The following RASGRP2 variants were observed in gnomAD, a reference collection of about 807,000 sequenced individuals.
The protein encoded by RASGRP2 is RAS guanyl-releasing protein 2.
Under a neutral mutation model 71.0 loss-of-function variants are expected in RASGRP2, and 44 were observed. The ratio of observed to expected loss-of-function variants is 0.62; its 90% CI spans 0.49 to 0.80. The LOEUF is 0.80. Among genes scored for constraint, RASGRP2 ranks in the 30% least tolerant of loss-of-function variants. RASGRP2 has a pLI of 0.00. For missense variants in RASGRP2, 663 were observed against 813.4 expected, an observed-to-expected ratio of 0.82 and a Z score of 2.25; for synonymous variants, 350 against 330.7, an observed-to-expected ratio of 1.06 and a Z score of -0.63.
chr11:64,735,785 G>A lies in RASGRP2; in HGVS notation c.1173+118C>T. The A allele has an allele frequency of 6.8e-7, 1 of 1,477,998 alleles. No individual in the cohort carries two copies. Among genetic ancestry groups the A allele is most frequent in the African/African-American group, 1.4e-5 (1 of 72,370 alleles). 91.6% of individuals were successfully genotyped at this position (1,477,998 alleles called of 1,614,324 possible). A position where few individuals can be genotyped will look rare whatever the true frequency, so the allele number is the denominator to read the frequency against. Reference sequence around the variant, plus strand: ...CCCAACACTACTGCCCTACCCCCAGGATGCCTCTGTCCTACAAGATGGATG... The same window carrying A: ...CCCAACACTACTGCCCTACCCCCAGAATGCCTCTGTCCTACAAGATGGATG... On this transcript the variant is annotated intron_variant, in intron 10 of 16. Coordinates refer to ENST00000394432, the MANE Select transcript of RASGRP2 (RefSeq NM_001098671.2). The surrounding 1 kb of genome is among the most constrained non-coding windows in gnomAD (Gnocchi z 4.2).
intron 8 of RASGRP2, among the ~76,000 whole-genome samples, chr11:64,738,269 T>TGA (rs2058012264): frequency 6.6e-6 from 1 of 152,002 alleles, no homozygotes; most frequent in African/African-American, 2.4e-5. Context: ...ACCTACATGG[T>TGA]GAAGCTATAA....
At chr11:64,727,249 C>A (rs780958060) in intron 16 of RASGRP2, 47 bp downstream of exon 16, 33 of 1,546,092 alleles carry the variant, frequency 2.1e-5, no homozygotes, top group Admixed American at 1.5e-4. Context: ...CCAGCTCCCC[C>A]CCAGCCCTCA....
In RASGRP2 at chr11:64,742,268, TAGAG is replaced by T; in HGVS notation, c.74-160_74-157del. Among the ~76,000 whole-genome samples, 1 of 150,998 alleles carries T rather than the reference TAGAG, an allele frequency of 6.6e-6. No individual in the cohort carries two copies. Among genetic ancestry groups the T allele is most frequent in the South Asian group, 2.1e-4 (1 of 4,758 alleles). On this transcript the variant is annotated intron_variant, in intron 2 of 16. Transcript: ENST00000394432. The surrounding 1 kb of genome is among the most constrained non-coding windows in gnomAD (Gnocchi z 4.7). ...AGGACTCCGAGAGCAGGAGGCAAAT[TAGAG>T]AGGAAAGGTGTGGTGGGCGAGAGAT...
At chr11:64,733,923 C>T (rs1465237469) in intron 12 of RASGRP2, among the ~76,000 whole-genome samples, 1 of 147,842 alleles carries the variant, frequency 6.8e-6, no homozygotes, top group Admixed American at 6.9e-5. Flanking sequence ...GTGATGACAG[C>T]TCACTGCAGT....
chr11:64,728,838 C>A (rs372519849), intron 15 of RASGRP2, 25 bp downstream of exon 15: 93 of 1,586,840 alleles, frequency 5.9e-5, no homozygotes, highest in Non-Finnish European at 7.8e-5. Flanking sequence ...CCTCCACAGG[C>A]CAGTACAGAA....
Position 64,741,089 on chromosome 11 carries a change from C to A in RASGRP2, c.240-10G>T. On this transcript the variant is annotated splice_polypyrimidine_tract_variant and intron_variant, in intron 4 of 16. Coordinates refer to ENST00000394432, the MANE Select transcript of RASGRP2 (RefSeq NM_001098671.2). ...GGCGGAGATCCAGTACCTGGAGGAG[C>A]GGGGAGTCACCCAAGATAGCCCTTC... 6.2e-7 allele frequency: 1 copy of A among 1,611,406 alleles called. No homozygotes were observed. Among genetic ancestry groups the A allele is most frequent in the Non-Finnish European group, 8.5e-7 (1 of 1,179,866 alleles).
chr11:64,736,879 G>C lies in RASGRP2; in HGVS notation c.969C>G (p.Asp323Glu), dbSNP rs773073274. ...ALQLALPDWL[D>E]PARTRLNGAK... ...CCCCGTTGAGCCGGGTCCGGGCTGG[G>C]TCCAGCCAGTCAGGCAGTGCCAGCT... Residue 323 changes from aspartate to glutamate, a missense_variant, in exon 9 of 17, where the codon GAC becomes GAG. Asp to Glu is a conservative substitution (Grantham distance 45). Coordinates refer to ENST00000394432, the MANE Select transcript of RASGRP2 (RefSeq NM_001098671.2). 6.2e-7 allele frequency: 1 copy of C among 1,613,718 alleles called. No homozygotes were observed. The highest frequency in any genetic ancestry group is 1.7e-5 in the Admixed American group (1 of 60,004).
chr11:64,733,826 G>A (rs1351411013), intron 12 of RASGRP2, among the ~76,000 whole-genome samples: 1 of 151,058 alleles, frequency 6.6e-6, no homozygotes, highest in Admixed American at 6.7e-5. Context: ...AAGGAAAGAG[G>A]GGACTTTCAT....
chr11:64,742,042 G>A lies in RASGRP2; in HGVS notation c.144C>T (p.Pro48=), dbSNP rs753789155. 6.2e-7 allele frequency: 1 copy of A among 1,611,874 alleles called. No homozygotes were observed. The highest frequency in any genetic ancestry group is 8.5e-7 in the Non-Finnish European group (1 of 1,179,014). The change falls in exon 3 of 17, where the codon CCC becomes CCT. Residue 48 remains proline, a synonymous_variant. Transcript: ENST00000394432. This position sits in a 1 kb window ranked among gnomAD's most constrained non-coding sequence, Gnocchi z 4.7. ...GCAGCTTGGCCGCCAGCTGAGAGGA[G>A]GGGATGTACCAGGGGTGCATCATGA... ...MFLMMHPWYI[P]SSQLAAKLLH...
chr11:64,730,119 G>A lies in RASGRP2; in HGVS notation c.1488C>T (p.Gly496=), dbSNP rs1289275648. ...TGCTCTCCTGGAAGTTGTGTACGAA[G>A]CCCATGCGCCCCCCCAACACAGAGC... The part of the protein sequence containing the change: ...RSSSVLGGRM[G]FVHNFQESNS... Residue 496 remains glycine, a synonymous_variant, in exon 13 of 17, where the codon GGC becomes GGT. Coordinates refer to ENST00000394432, the MANE Select transcript of RASGRP2 (RefSeq NM_001098671.2). 6.4e-7 allele frequency: 1 copy of A among 1,551,164 alleles called. No homozygotes were observed. Among genetic ancestry groups the A allele is most frequent in the Admixed American group, 2.0e-5 (1 of 51,024 alleles).
In RASGRP2 at chr11:64,728,892, C is replaced by G; in HGVS notation, c.1742G>C (p.Arg581Pro). 6.2e-7 allele frequency: 1 copy of G among 1,612,572 alleles called. No individual in the cohort carries two copies. The highest frequency in any genetic ancestry group is 1.7e-4 in the Middle Eastern group (1 of 6,022). ...AGGCCTGGAGCCTCGCCTGCCAGGG[C>G]GGGGCAGAGAGAAGCTGAAGGCGCG... ...HHRAFSFSLP[R>P]PGRRGSRPPE... The change falls in exon 15 of 17, where the codon CGC (arginine) becomes CCC (proline). Residue 581 changes from arginine to proline, a missense_variant. Transcript: ENST00000394432.
At chr11:64,744,340 G>C, upstream of RASGRP2, 1 of 984,716 alleles carries the variant, frequency 1.0e-6, no homozygotes, top group Non-Finnish European at 1.2e-6. Context: ...CACTCCCCCA[G>C]GCTGGAGGAC....
At chr11:64,727,875 C>T (rs1239472941) in intron 15 of RASGRP2, among the ~76,000 whole-genome samples, 2 of 152,104 alleles carry the variant, frequency 1.3e-5, no homozygotes, top group Admixed American at 1.3e-4. Context: ...CTTTTTCAGC[C>T]ACAGATTTGT....
At chr11:64,741,564 TG>T (rs2058123744) in intron 3 of RASGRP2, 63 bp from the exon 4 acceptor site, 3 of 1,409,172 alleles carry the variant, frequency 2.1e-6, no homozygotes, top group Non-Finnish European at 2.0e-6. Context: ...GGAGGGAGGC[TG>T]GGGGCGGGGC....
intron 12 of RASGRP2, among the ~76,000 whole-genome samples, chr11:64,730,555 A>T (rs1249078274): frequency 6.6e-6 from 1 of 152,166 alleles, no homozygotes; most frequent in African/African-American, 2.4e-5. Context: ...AGCAGGGAGA[A>T]CTCTCTAATG....
At position 64,743,348 on chromosome 11, in the gene RASGRP2, G is replaced by A. The variant is rs773139420; in HGVS notation, c.-71-411C>T. ...CCCTTCCCCCGCAGGGTTATTTTGG[G>A]AACCCAGAGCCTGAGGGGACCTCGG... On this transcript the variant is annotated intron_variant, in intron 1 of 16. Transcript: ENST00000394432. The surrounding 1 kb of genome is among the most constrained non-coding windows in gnomAD (Gnocchi z 4.9). 1.2e-5 allele frequency: 5 copies of A among 430,262 alleles called. No individual in the cohort carries two copies. The East Asian group carries it at 3.6e-4, about 31-fold the overall frequency. 26.7% of individuals were successfully genotyped at this position (430,262 alleles called of 1,614,324 possible).
chr11:64,740,738 G>GGT, intron 5 of RASGRP2: 1 of 701,736 alleles, frequency 1.4e-6, no homozygotes, highest in Non-Finnish European at 2.6e-6. Flanking sequence ...TACAGGAGGA[G>GGT]GTGTGTGGGA....
In RASGRP2 at chr11:64,735,652, T is replaced by C; in HGVS notation, c.1186A>G (p.Thr396Ala). Residue 396 changes from threonine (T) to alanine (A), a missense_variant, in exon 11 of 17, where the codon ACG (threonine) becomes GCG (alanine). Coordinates refer to ENST00000394432, the MANE Select transcript of RASGRP2 (RefSeq NM_001098671.2). The surrounding 1 kb of genome is among the most constrained non-coding windows in gnomAD (Gnocchi z 4.2). Reference sequence around the variant, plus strand: ...GGCCGGGGTGGTGGGGTGCAACTCGTGGGGCTGGTTGGCTATGGAAATGGT... The same window carrying C: ...GGCCGGGGTGGTGGGGTGCAACTCGCGGGGCTGGTTGGCTATGGAAATGGT... ...PRSKSSPTSP[T>A]SCTPPPRPPV... The C allele has an allele frequency of 2.5e-6, 4 of 1,611,590 alleles. No individual in the cohort carries two copies. The highest frequency in any genetic ancestry group is 2.5e-6 in the Non-Finnish European group (3 of 1,179,254).
Position 64,741,519 on chromosome 11 carries a change from G to C in RASGRP2, c.177-18C>G. The C allele has an allele frequency of 6.4e-7, 1 of 1,561,730 alleles. No homozygotes were observed. Among genetic ancestry groups the C allele is most frequent in the Non-Finnish European group, 8.7e-7 (1 of 1,147,568 alleles). ...GTTGGTAGGTGAAGGAGAGGGTTAA[G>C]GAGGCCGCTTAACTCTAGAAAGGGA... On this transcript the variant is annotated intron_variant, in intron 3 of 16. Transcript: ENST00000394432.
Sources: allele counts gnomAD v4.1 joint callset (sites outside exome capture counted in the v4.1 genomes callset), GRCh38; gene constraint gnomAD v4.1.1; non-coding constraint Gnocchi (gnomAD v3.1); transcripts MANE v1.5; gene names NCBI Gene and HGNC (gene_info 2026-07-23, HGNC 2026-07-21).